PKD2L2: variants seen among roughly 807,000 people sequenced by gnomAD.
PKD2L2 encodes polycystin 2 like 2, transient receptor potential cation channel.
In PKD2L2, 67 loss-of-function variants were observed where a neutral mutation model predicts 83.9. The ratio of observed to expected loss-of-function variants is 0.80; its 90% CI spans 0.66 to 0.98. The LOEUF (loss-of-function observed/expected upper bound fraction) is 0.98, where lower values mean the gene tolerates loss of function less well. PKD2L2 is among the 50% of genes least tolerant of loss of function. The pLI, the probability that PKD2L2 is intolerant of heterozygous loss-of-function variation, is 0.00. For missense variants in PKD2L2, 632 were observed against 717.2 expected (o/e 0.88, Z 1.36); for synonymous variants, 223 against 237.8 (o/e 0.94, Z 0.57).
intron 8 of PKD2L2, among the ~76,000 whole-genome samples, chr5:137,910,510 C>T (rs770389830): frequency 1.3e-5 from 2 of 151,790 alleles, no homozygotes; most frequent in Non-Finnish European, 2.9e-5. Flanking sequence ...CGATGGTTCG[C>T]GCCTGTAATG....
At position 137,914,843 on chromosome 5, in the gene PKD2L2, C is replaced by T. The variant is rs148691117; in HGVS notation, c.1328+5897C>T. ...GTTTATAGTTTTTATCCTGAAAATACGTTGATTATCAAAATTTTTTCTGCC... is the reference window on the plus strand; with the variant it reads ...GTTTATAGTTTTTATCCTGAAAATATGTTGATTATCAAAATTTTTTCTGCC... On this transcript the variant is annotated intron_variant, in intron 8 of 14. Coordinates refer to ENST00000508883, the MANE Select transcript of PKD2L2 (RefSeq NM_001300921.2). 2.1e-3 allele frequency among the ~76,000 whole-genome samples: 319 copies of T among 152,138 alleles called. 1 individual carries two copies. The highest frequency in any genetic ancestry group is 7.3e-3 in the African/African-American group (302 of 41,516).
intron 9 of PKD2L2, among the ~76,000 whole-genome samples, chr5:137,922,921 A>G (rs561830492): frequency 6.6e-6 from 1 of 151,354 alleles, no homozygotes; most frequent in South Asian, 2.1e-4. Context: ...ATTCTACTTT[A>G]TTGTCTGCAT....
At chr5:137,939,989 T>C in intron 14 of PKD2L2, 2 of 1,572,072 alleles carry the variant, frequency 1.3e-6, no homozygotes, top group Non-Finnish European at 1.7e-6. Context: ...GTAAACCATA[T>C]GTTTGCTAAA....
At chr5:137,899,204 C>T (rs1357210922) in intron 4 of PKD2L2, among the ~76,000 whole-genome samples, 1 of 152,066 alleles carries the variant, frequency 6.6e-6, no homozygotes, top group African/African-American at 2.4e-5. Flanking sequence ...TGCAGCTCAA[C>T]CTCCCGGGCC....
intron 6 of PKD2L2, among the ~76,000 whole-genome samples, chr5:137,907,104 T>C (rs700607): frequency 0.23 from 34,794 of 152,122 alleles, 4,155 homozygotes; most frequent in Middle Eastern, 0.25. Flanking sequence ...CCCTTAATTA[T>C]AGCCAATCAA....
At chr5:137,942,039 T>C in intron 14 of PKD2L2, 1 of 1,613,384 alleles carries the variant, frequency 6.2e-7, no homozygotes, top group Non-Finnish European at 8.5e-7. Context: ...GTTCCAATAA[T>C]TCAGGCCTAG....
rs71583287 is a variant in PKD2L2 at position 137,912,801 on chromosome 5, C to CTTT, written c.1328+3856_1328+3858dup. Among the ~76,000 whole-genome samples, 60 of 99,814 alleles carry CTTT rather than the reference C, an allele frequency of 6.0e-4. 4 individuals are homozygous for CTTT. The highest frequency in any genetic ancestry group is 8.3e-3 in the Middle Eastern group (1 of 120). The allele number at this position is 99,814 out of a possible 152,430, so 65.5% of individuals were successfully genotyped here. ...TTAAATTGGATTATTTGTTTTCTTTCTTTCTTTTTTTTTTTTTTTTGAGAT... is the reference window on the plus strand; with the variant it reads ...TTAAATTGGATTATTTGTTTTCTTTCTTTTTTCTTTTTTTTTTTTTTTTGAGAT... On this transcript the variant is annotated intron_variant, in intron 8 of 14. Coordinates refer to ENST00000508883, the MANE Select transcript of PKD2L2 (RefSeq NM_001300921.2).
chr5:137,902,728 G>A (rs1757067916), intron 5 of PKD2L2, among the ~76,000 whole-genome samples: 1 of 152,102 alleles, frequency 6.6e-6, no homozygotes, highest in Non-Finnish European at 1.5e-5. Flanking sequence ...AATCACAGTT[G>A]CTGCTTGTAC....
At position 137,889,514 on chromosome 5, in the gene PKD2L2, A is replaced by G. The variant is rs766476050; in HGVS notation, c.23A>G (p.His8Arg). ...GCCATGGCTGAGGCGTCACGGTGGCACCGAGGCGGTGAGGGGTCCTCTTAA... is the reference window on the plus strand; with the variant it reads ...GCCATGGCTGAGGCGTCACGGTGGCGCCGAGGCGGTGAGGGGTCCTCTTAA... MAEASRW[H>R]RGGASKHKLH... The change falls in exon 1 of 15, where the codon CAC (histidine) becomes CGC (arginine). Residue 8 changes from histidine (H) to arginine (R), a missense_variant. Physicochemically the swap from His to Arg is conservative, Grantham distance 29. Transcript: ENST00000508883. The G allele has an allele frequency of 2.4e-5, 38 of 1,556,450 alleles. No homozygotes were observed. The African/African-American group carries it at 5.3e-4, about 22-fold the overall frequency.
intron 14 of PKD2L2, among the ~76,000 whole-genome samples, chr5:137,941,637 A>G (rs960824178): frequency 1.3e-5 from 2 of 152,164 alleles, no homozygotes; most frequent in Admixed American, 6.5e-5. Flanking sequence ...AAAATAAGAG[A>G]TATCTCATTT....
intron 12 of PKD2L2, among the ~76,000 whole-genome samples, chr5:137,932,287 G>A (rs1030187971): frequency 6.6e-6 from 1 of 151,818 alleles, no homozygotes; most frequent in South Asian, 2.1e-4. Context: ...GGTGGAGGTT[G>A]CAGTGAGCCA....
chr5:137,926,893 G>T (rs1247804852), intron 12 of PKD2L2, among the ~76,000 whole-genome samples: 1 of 152,132 alleles, frequency 6.6e-6, no homozygotes, highest in East Asian at 1.9e-4. Context: ...AGTATATGCA[G>T]ATTTTGGTGT....
intron 4 of PKD2L2, among the ~76,000 whole-genome samples, chr5:137,895,285 T>C (rs1314170621): frequency 6.6e-6 from 1 of 151,826 alleles, no homozygotes; most frequent in African/African-American, 2.4e-5. Flanking sequence ...CTGGGCAACA[T>C]ACTGAGACCT....
chr5:137,928,976 C>A (rs952558333), intron 12 of PKD2L2, among the ~76,000 whole-genome samples: 2 of 152,024 alleles, frequency 1.3e-5, no homozygotes, highest in African/African-American at 2.4e-5. Flanking sequence ...ACATTTTTTA[C>A]CTAAGTGGTA....
chr5:137,926,274 T>G (rs554310668), intron 12 of PKD2L2, among the ~76,000 whole-genome samples: 2 of 152,272 alleles, frequency 1.3e-5, no homozygotes, highest in South Asian at 4.1e-4. Context: ...AATTTTGTAT[T>G]TCAAAAATTG....
intron 8 of PKD2L2, among the ~76,000 whole-genome samples, chr5:137,914,008 C>T (rs1488489301): frequency 7.7e-6 from 1 of 130,566 alleles, no homozygotes; most frequent in African/African-American, 2.9e-5. Flanking sequence ...GCAGAGATTA[C>T]AGTCATGCAC....
At chr5:137,934,520 C>T (rs74445053) in intron 12 of PKD2L2, among the ~76,000 whole-genome samples, 3 of 152,134 alleles carry the variant, frequency 2.0e-5, no homozygotes, top group Admixed American at 6.5e-5. Flanking sequence ...CGAATATGTT[C>T]GTTTAAGGCT....
At chr5:137,927,947 G>A (rs1304684362) in intron 12 of PKD2L2, among the ~76,000 whole-genome samples, 3 of 151,158 alleles carry the variant, frequency 2.0e-5, no homozygotes, top group Non-Finnish European at 2.9e-5. Context: ...GACCATTCCT[G>A]AAATAGAAGG....
chr5:137,917,545 T>C (rs982954864), intron 8 of PKD2L2, among the ~76,000 whole-genome samples: 1 of 152,228 alleles, frequency 6.6e-6, no homozygotes, highest in Non-Finnish European at 1.5e-5. Context: ...TTTTTCTGCC[T>C]GCTCAAATCT....
Sources: gnomAD v4.1 joint callset for allele counts (sites outside exome capture counted in the v4.1 genomes callset) on GRCh38, gnomAD v4.1.1 for gene constraint, MANE v1.5 for transcripts, NCBI Gene and HGNC (gene_info 2026-07-23, HGNC 2026-07-21) for gene names.